PEMT: variants seen among roughly 807,000 people sequenced by gnomAD.
The protein encoded by PEMT is phospholipid methyltransferase.
PEMT carries 23 observed loss-of-function variants against 27.4 expected under a neutral mutation model. That is an observed-to-expected ratio of 0.84 (90% CI 0.60 to 1.19). PEMT has a LOEUF of 1.19. Ranked by LOEUF, PEMT falls within the 50% of genes most tolerant of loss-of-function variation. The pLI is 0.00. For synonymous variants in PEMT, 137 were observed against 139.1 expected (o/e 0.98, Z 0.11); for missense variants, 307 against 310.1 (o/e 0.99, Z 0.07).
At chr17:17,554,257 T>C (rs1392282271) in intron 2 of PEMT, among the ~76,000 whole-genome samples, 2 of 152,214 alleles carry the variant, frequency 1.3e-5, no homozygotes, top group East Asian at 3.8e-4. Flanking sequence ...CACAAGGCAG[T>C]GGGAGGCTGG....
At chr17:17,522,805 G>A (rs1907377642) in intron 2 of PEMT, among the ~76,000 whole-genome samples, 1 of 152,176 alleles carries the variant, frequency 6.6e-6, no homozygotes, top group African/African-American at 2.4e-5. Flanking sequence ...AACTGCCAGA[G>A]GAGCCCATGG....
chr17:17,582,356 G>T lies in PEMT; in HGVS notation c.97-5329C>A. On this transcript the variant is annotated intron_variant, in intron 1 of 6. Transcript: ENST00000255389. This position sits in a 1 kb window ranked among gnomAD's most constrained non-coding sequence, Gnocchi z 4.9. ...CTCAGCTGTTAACACCCCAAAGCATGGGTAAGGAAGAGGCTTTATGGTAAT... is the reference window on the plus strand; with the variant it reads ...CTCAGCTGTTAACACCCCAAAGCATTGGTAAGGAAGAGGCTTTATGGTAAT... The T allele has an allele frequency of 1.0e-6, 1 of 985,442 alleles. No individual in the cohort carries two copies. The highest frequency in any genetic ancestry group is 1.2e-6 in the Non-Finnish European group (1 of 829,912). The allele number at this position is 985,442 out of a possible 1,614,324, so 61.0% of individuals were successfully genotyped here.
chr17:17,551,283 C>T (rs1183781888), intron 2 of PEMT, among the ~76,000 whole-genome samples: 1 of 152,250 alleles, frequency 6.6e-6, no homozygotes, highest in Non-Finnish European at 1.5e-5. Context: ...TTGTCACTAT[C>T]TGCCTTTTTG....
chr17:17,564,256 C>T (rs1026449740), intron 2 of PEMT, among the ~76,000 whole-genome samples: 1 of 152,134 alleles, frequency 6.6e-6, no homozygotes, highest in Non-Finnish European at 1.5e-5. Context: ...TCTTACCTGC[C>T]CACATTCCAC....
chr17:17,515,339 G>A (rs1906741503), intron 3 of PEMT, among the ~76,000 whole-genome samples: 1 of 152,234 alleles, frequency 6.6e-6, no homozygotes, highest in Non-Finnish European at 1.5e-5. Flanking sequence ...CTGCTTGGAA[G>A]CAGATTCCTG....
chr17:17,579,507 G>A (rs557355936), intron 1 of PEMT, among the ~76,000 whole-genome samples: 2 of 152,164 alleles, frequency 1.3e-5, no homozygotes, highest in South Asian at 2.1e-4. Context: ...GTGAAACCCC[G>A]TCTCTACTAA....
intron 1 of PEMT, chr17:17,577,429 A>T (rs1911674220): frequency 9.7e-7 from 1 of 1,032,686 alleles, no homozygotes; most frequent in Admixed American, 4.7e-5. Context: ...ATCAGGTAAA[A>T]GCAAATTAAA....
intron 2 of PEMT, among the ~76,000 whole-genome samples, chr17:17,560,667 C>T (rs1910411271): frequency 6.6e-6 from 1 of 152,198 alleles, no homozygotes; most frequent in Admixed American, 6.5e-5. Context: ...TTTAACCAAA[C>T]TGGCCCTTGA....
In PEMT at chr17:17,505,714, C is replaced by G. The variant is rs1905769698; in HGVS notation, c.*77G>C. On this transcript the variant is annotated 3_prime_UTR_variant, in exon 7 of 7. Transcript: ENST00000255389. The stretch of plus-strand genomic sequence containing the variant: ...CGAGCCCTGAGCAGCAGGCACCATT[C>G]TCGCCCTGCGCAGGGCCTGCCACTT... 1 of 1,455,892 alleles carries G rather than the reference C, an allele frequency of 6.9e-7. No homozygotes were observed. Among genetic ancestry groups the G allele is most frequent in the Non-Finnish European group, 9.1e-7 (1 of 1,097,362 alleles). The allele number at this position is 1,455,892 out of a possible 1,614,324, so 90.2% of individuals were successfully genotyped here.
At chr17:17,575,456 C>T (rs1323065607) in intron 2 of PEMT, among the ~76,000 whole-genome samples, 2 of 152,354 alleles carry the variant, frequency 1.3e-5, no homozygotes, top group East Asian at 3.9e-4. Context: ...ACCCTCCTCA[C>T]CCTTCACCAC....
chr17:17,586,361 G>T (rs1183074959), intron 1 of PEMT, among the ~76,000 whole-genome samples: 1 of 151,678 alleles, frequency 6.6e-6, no homozygotes, highest in Non-Finnish European at 1.5e-5. Context: ...GGCTGGACCT[G>T]ACCACAGCAC....
At chr17:17,541,944 A>G (rs980929461) in intron 2 of PEMT, among the ~76,000 whole-genome samples, 4 of 152,218 alleles carry the variant, frequency 2.6e-5, no homozygotes, top group Non-Finnish European at 5.9e-5. Flanking sequence ...TCAGTGCCTG[A>G]GCCAGAAGGG....
chr17:17,538,352 T>C (rs1056118014), intron 2 of PEMT, among the ~76,000 whole-genome samples: 2 of 152,158 alleles, frequency 1.3e-5, no homozygotes, highest in African/African-American at 4.8e-5. Context: ...ATCTAAAAAT[T>C]TGCCTCAGGC....
At chr17:17,558,744 C>T (rs966998338) in intron 2 of PEMT, among the ~76,000 whole-genome samples, 7 of 150,118 alleles carry the variant, frequency 4.7e-5, no homozygotes, top group South Asian at 4.2e-4. Context: ...GGCTTGACAA[C>T]GGGTTTGTAG....
At chr17:17,508,771 ACAG>A (rs1260137787) in intron 5 of PEMT, 2 of 468,198 alleles carry the variant, frequency 4.3e-6, no homozygotes, top group Non-Finnish European at 8.9e-6. Flanking sequence ...GCTGAGGCCG[ACAG>A]CAGTTCTAGG....
At chr17:17,567,688 G>C (rs1466977267) in intron 2 of PEMT, among the ~76,000 whole-genome samples, 1 of 152,252 alleles carries the variant, frequency 6.6e-6, no homozygotes, top group Non-Finnish European at 1.5e-5. Context: ...CAGGAGCGGG[G>C]GAGAGCTAGG....
At chr17:17,586,186 AAAAG>A (rs1260512539) in intron 1 of PEMT, among the ~76,000 whole-genome samples, 3 of 149,238 alleles carry the variant, frequency 2.0e-5, no homozygotes, top group South Asian at 2.1e-4. Context: ...AAGAAAAAGA[AAAAG>A]AAGGAAGGAA....
At position 17,522,306 on chromosome 17, in the gene PEMT, C is replaced by G. The variant is rs752059724; in HGVS notation, c.294G>C (p.Leu98=). 14 of 1,613,578 alleles carry G rather than the reference C, an allele frequency of 8.7e-6. No individual in the cohort carries two copies. In the Middle Eastern group the frequency reaches 1.8e-3, roughly 208 times the overall value. Residue 98 remains leucine, a synonymous_variant, in exon 3 of 7, where the codon CTG becomes CTC. Coordinates refer to ENST00000255389, the MANE Select transcript of PEMT (RefSeq NM_148172.3). ...LACYSLSVTI[L]LLNFLRSHCF... is the part of the protein sequence containing the mutation. The stretch of plus-strand genomic sequence containing the variant: ...AGTGCGAGCGCAGGAAGTTCAGGAG[C>G]AGGATGGTGACGCTTAGAGAGTAGC...
At chr17:17,555,460 C>T (rs989943240) in intron 2 of PEMT, among the ~76,000 whole-genome samples, 1 of 152,208 alleles carries the variant, frequency 6.6e-6, no homozygotes, top group African/African-American at 2.4e-5. Context: ...GTTTCCCCTG[C>T]AAGGTGAGGA....
Sources: allele counts gnomAD v4.1 joint callset (sites outside exome capture counted in the v4.1 genomes callset), GRCh38; gene constraint gnomAD v4.1.1; non-coding constraint Gnocchi (gnomAD v3.1); transcripts MANE v1.5; gene names NCBI Gene and HGNC (gene_info 2026-07-23, HGNC 2026-07-21).